Variants in BLTP3B observed in about 807,000 individuals in gnomAD.
The protein encoded by BLTP3B is UHRF1 (ICBP90) binding protein 1-like.
the BLTP3B span, among the ~76,000 whole-genome samples, chr12:100,101,952 T>C: frequency 6.6e-6 from 1 of 151,880 alleles, no homozygotes; most frequent in Non-Finnish European, 1.5e-5. Flanking sequence ...TACAGGCGTA[T>C]ACCACCGCAC....
the BLTP3B span, among the ~76,000 whole-genome samples, chr12:100,091,598 G>A: frequency 6.6e-6 from 1 of 151,062 alleles, no homozygotes. Context: ...TGCCTCCCAG[G>A]TTCATGCCAT....
chr12:100,131,600 C>G, the BLTP3B span, among the ~76,000 whole-genome samples: 4 of 152,058 alleles, frequency 2.6e-5, no homozygotes, highest in African/African-American at 9.7e-5. Flanking sequence ...AGTCAATAAA[C>G]TGTCAATCAA....
the BLTP3B span, among the ~76,000 whole-genome samples, chr12:100,080,257 C>CA: frequency 9.2e-5 from 14 of 152,160 alleles, no homozygotes; most frequent in African/African-American, 3.1e-4. Context: ...TGCCAGCAGA[C>CA]ACTCAATACC....
the BLTP3B span, among the ~76,000 whole-genome samples, chr12:100,056,430 A>G: frequency 0.063 from 9,556 of 152,244 alleles, 332 homozygotes; most frequent in Middle Eastern, 0.14. Context: ...TGGTACTTAC[A>G]TCAATAATAC....
the BLTP3B span, chr12:100,098,371 T>C: frequency 1.2e-6 from 2 of 1,604,620 alleles, no homozygotes; most frequent in Non-Finnish European, 1.7e-6. Flanking sequence ...CTGTGGATCC[T>C]GAATACGAGT....
chr12:100,081,747 G>A, the BLTP3B span, among the ~76,000 whole-genome samples: 2 of 152,136 alleles, frequency 1.3e-5, no homozygotes, highest in Non-Finnish European at 2.9e-5. Context: ...GAACATGACT[G>A]CATTCTTTTC....
the BLTP3B span, among the ~76,000 whole-genome samples, chr12:100,106,939 A>C: frequency 1.3e-5 from 2 of 152,172 alleles, no homozygotes; most frequent in Admixed American, 1.3e-4. Context: ...ACAACTCTTA[A>C]ACAAAGCCTC....
chr12:100,080,870 T>G, the BLTP3B span, among the ~76,000 whole-genome samples: 8 of 152,318 alleles, frequency 5.3e-5, no homozygotes. Flanking sequence ...AATTTCACCT[T>G]GAATTGTAGC....
chr12:100,084,379 C>G, the BLTP3B span: 1 of 3,008 alleles, frequency 3.3e-4, no homozygotes, highest in Non-Finnish European at 4.5e-4. Context: ...ATACTATGAT[C>G]ACACACACAC....
At chr12:100,053,772 C>G in the BLTP3B span, among the ~76,000 whole-genome samples, 1 of 152,084 alleles carries the variant, frequency 6.6e-6, no homozygotes, top group Non-Finnish European at 1.5e-5. Flanking sequence ...AATTTTTACT[C>G]TAGGGATTTC....
At chr12:100,142,709 T>C in the BLTP3B span, 2 of 1,547,844 alleles carry the variant, frequency 1.3e-6, no homozygotes, top group Non-Finnish European at 1.7e-6. Flanking sequence ...GTCTCCTCTC[T>C]GTCCCGGCTA....
chr12:100,084,377 ATCACAC>A, the BLTP3B span: 1 of 1,039,918 alleles, frequency 9.6e-7, no homozygotes, highest in Non-Finnish European at 1.3e-6. Context: ...AAATACTATG[ATCACAC>A]ACACACACAC....
chr12:100,139,323 T>C, the BLTP3B span, among the ~76,000 whole-genome samples: 1 of 152,216 alleles, frequency 6.6e-6, no homozygotes, highest in South Asian at 2.1e-4. Flanking sequence ...TACCAGCTTC[T>C]CAAGTCCCTT....
At chr12:100,137,270 CT>C in the BLTP3B span, among the ~76,000 whole-genome samples, 1 of 152,030 alleles carries the variant, frequency 6.6e-6, no homozygotes, top group Non-Finnish European at 1.5e-5. Context: ...CGGTTCTTTC[CT>C]TTTCTCTCCA....
the BLTP3B span, among the ~76,000 whole-genome samples, chr12:100,091,140 C>T: frequency 3.3e-5 from 5 of 150,020 alleles, no homozygotes; most frequent in African/African-American, 1.2e-4. Flanking sequence ...GATTTTCCTC[C>T]CAAGTAGCTG....
At chr12:100,073,510 G>T in the BLTP3B span, among the ~76,000 whole-genome samples, 1 of 151,522 alleles carries the variant, frequency 6.6e-6, no homozygotes, top group South Asian at 2.1e-4. Flanking sequence ...GATATTATTA[G>T]GTTGGTGCAA....
At chr12:100,096,058 C>T in the BLTP3B span, among the ~76,000 whole-genome samples, 1 of 152,154 alleles carries the variant, frequency 6.6e-6, no homozygotes, top group Non-Finnish European at 1.5e-5. Context: ...TGAAGACCAG[C>T]CTGGCCAACA....
At chr12:100,082,333 A>G in the BLTP3B span, among the ~76,000 whole-genome samples, 3 of 152,114 alleles carry the variant, frequency 2.0e-5, no homozygotes, top group East Asian at 5.8e-4. Flanking sequence ...ATTTGTGAAT[A>G]TTTTCTCCCA....
At chr12:100,072,884 A>G in the BLTP3B span, 1 of 1,483,268 alleles carries the variant, frequency 6.7e-7, no homozygotes, top group Non-Finnish European at 8.9e-7. Context: ...TGCAACCCAG[A>G]CAGTACTTTT....
Sources: allele counts gnomAD v4.1 joint callset (sites outside exome capture counted in the v4.1 genomes callset), GRCh38; gene constraint gnomAD v4.1.1; transcripts MANE v1.5; gene names NCBI Gene and HGNC (gene_info 2026-07-23, HGNC 2026-07-21).